C10orf90: variants seen among roughly 807,000 people sequenced by gnomAD.
The protein encoded by C10orf90 is chromosome 10 open reading frame 90.
Under a neutral mutation model 62.5 loss-of-function variants are expected in C10orf90, and 56 were observed. That is an observed-to-expected ratio of 0.90 (90% CI 0.72 to 1.12). The LOEUF (loss-of-function observed/expected upper bound fraction) is 1.12, where lower values mean the gene tolerates loss of function less well. Among genes scored for constraint, C10orf90 ranks in the 50% most tolerant of loss-of-function variants. C10orf90 has a pLI of 0.00. For synonymous variants in C10orf90, 386 were observed against 340.4 expected, an observed-to-expected ratio of 1.13 and a Z score of -1.47; for missense variants, 970 against 880.4, an observed-to-expected ratio of 1.10 and a Z score of -1.29.
rs565502340 is a variant in C10orf90, at chr10:126,459,164, C to T, written c.2064G>A (p.Leu688=). ...PQFISRSQER[L]KKLEHMVQQR... ...GCTGGACCATGTGTTCAAGCTTCTT[C>T]AGCCGTTCTTGTGAGCGAGAAATGA... is the stretch of plus-strand genomic sequence containing the variant. Residue 688 remains leucine (L), a synonymous_variant, in exon 7 of 10, where the codon CTG becomes CTA. Coordinates refer to ENST00000488181, the MANE Select transcript of C10orf90 (RefSeq NM_001350921.2). 5 of 1,614,198 alleles carry T rather than the reference C, an allele frequency of 3.1e-6. No homozygotes were observed. The African/African-American group carries it at 4.0e-5, about 13-fold the overall frequency.
chr10:126,450,365 C>T (rs938596229), intron 7 of C10orf90, among the ~76,000 whole-genome samples: 5 of 152,176 alleles, frequency 3.3e-5, no homozygotes, highest in African/African-American at 1.2e-4. Context: ...TCATATGAAT[C>T]TGCAGACGAC....
In C10orf90 at chr10:126,547,350, C is replaced by T. The variant is rs533587561; in HGVS notation, c.314-33411G>A. ...AGGAGAATGGTGTGAACCCGGGAGG[C>T]GGAGCTTGCAGTGAGCCAAGATCGT... On this transcript the variant is annotated intron_variant, in intron 2 of 9. Transcript: ENST00000488181. Among the ~76,000 whole-genome samples the T allele has an allele frequency of 3.3e-3, 481 of 145,734 alleles. 5 individuals carry two copies. The highest frequency in any genetic ancestry group is 0.031 in the Middle Eastern group (8 of 254).
intron 2 of C10orf90, among the ~76,000 whole-genome samples, chr10:126,594,060 T>C (rs1238039923): frequency 6.6e-6 from 1 of 150,526 alleles, no homozygotes; most frequent in Non-Finnish European, 1.5e-5. Flanking sequence ...AAGGCCCATG[T>C]GTCCCCTGAT....
chr10:126,599,481 A>G (rs2134038775), intron 2 of C10orf90, among the ~76,000 whole-genome samples: 1 of 151,772 alleles, frequency 6.6e-6, no homozygotes, highest in South Asian at 2.1e-4. Context: ...TTCCACTCTT[A>G]AAGACAAGGC....
intron 4 of C10orf90, among the ~76,000 whole-genome samples, chr10:126,490,028 AATATATAAT>A (rs1235037811): frequency 1.9e-5 from 2 of 102,592 alleles, no homozygotes; most frequent in Non-Finnish European, 3.5e-5. Flanking sequence ...TATAATATAT[AATATATAAT>A]ATATATTATA....
intron 7 of C10orf90, among the ~76,000 whole-genome samples, chr10:126,441,085 C>G (rs1032878908): frequency 6.6e-6 from 1 of 152,078 alleles, no homozygotes; most frequent in Non-Finnish European, 1.5e-5. Context: ...TTAAGCTAAT[C>G]AAGGAGGCAC....
At chr10:126,638,271 G>A (rs942377128) in intron 2 of C10orf90, among the ~76,000 whole-genome samples, 1 of 152,060 alleles carries the variant, frequency 6.6e-6, no homozygotes, top group Non-Finnish European at 1.5e-5. Flanking sequence ...GATGGGGCTG[G>A]TCATGAGCCA....
intron 1 of C10orf90, among the ~76,000 whole-genome samples, chr10:126,666,299 A>G (rs1387827849): frequency 6.6e-6 from 1 of 152,178 alleles, no homozygotes. Flanking sequence ...GCCCAAACAA[A>G]TCGAAAAAAT....
At chr10:126,512,290 T>A (rs1378837871) in intron 3 of C10orf90, among the ~76,000 whole-genome samples, 2 of 115,258 alleles carry the variant, frequency 1.7e-5, no homozygotes, top group African/African-American at 2.9e-5. Flanking sequence ...GAGACAGAAG[T>A]GTGTGTGTGT....
chr10:126,526,542 C>T (rs1376982392), intron 2 of C10orf90, among the ~76,000 whole-genome samples: 1 of 152,156 alleles, frequency 6.6e-6, no homozygotes, highest in Non-Finnish European at 1.5e-5. Context: ...CCGCACCTGG[C>T]CAACTAATTT....
intron 2 of C10orf90, among the ~76,000 whole-genome samples, chr10:126,549,731 T>C (rs2133975921): frequency 7.2e-6 from 1 of 139,050 alleles, no homozygotes; most frequent in South Asian, 2.3e-4. Context: ...TATAACATCT[T>C]TATTCATAAT....
chr10:126,568,796 T>A (rs1213965849), intron 2 of C10orf90, among the ~76,000 whole-genome samples: 3 of 152,010 alleles, frequency 2.0e-5, no homozygotes, highest in Non-Finnish European at 4.4e-5. Flanking sequence ...CATTTCCCAG[T>A]GTAACTGGAG....
chr10:126,658,125 C>A (rs530128641), intron 1 of C10orf90, among the ~76,000 whole-genome samples: 1 of 152,294 alleles, frequency 6.6e-6, no homozygotes, highest in African/African-American at 2.4e-5. Context: ...TGTCCCAGAA[C>A]AAGGACGTTG....
rs145135386 is a variant in C10orf90, at chr10:126,567,268, C to T, written c.314-53329G>A. On this transcript the variant is annotated intron_variant, in intron 2 of 9. Transcript: ENST00000488181. ...GGAAACTTTCCTTCATAGTGAAAGG[C>T]GAAGGGCAAGCAGGCATGTCTTCAC... Among the ~76,000 whole-genome samples the T allele has an allele frequency of 9.2e-5, 14 of 152,108 alleles. No homozygotes were observed. In the East Asian group the frequency reaches 1.2e-3, roughly 13 times the overall value.
intron 2 of C10orf90, among the ~76,000 whole-genome samples, chr10:126,644,973 A>G (rs1846137550): frequency 6.6e-6 from 1 of 152,206 alleles, no homozygotes; most frequent in Non-Finnish European, 1.5e-5. Context: ...TTCAAACTAA[A>G]TATCTGTCAC....
chr10:126,669,785 A>G (rs1487783715), intron 1 of C10orf90, among the ~76,000 whole-genome samples: 3 of 151,940 alleles, frequency 2.0e-5, no homozygotes, highest in African/African-American at 7.3e-5. Context: ...TTACTGGCCT[A>G]ACTTGAATCA....
chr10:126,430,201 C>T (rs1430012355), intron 7 of C10orf90, among the ~76,000 whole-genome samples: 2 of 152,184 alleles, frequency 1.3e-5, no homozygotes, highest in Non-Finnish European at 2.9e-5. Context: ...AATCCCTACA[C>T]TAGGTCTGTG....
Position 126,433,054 on chromosome 10 carries a change from T to C in C10orf90, c.2189-3204A>G, listed in dbSNP as rs564498472. Among the ~76,000 whole-genome samples the C allele has an allele frequency of 2.6e-5, 4 of 152,036 alleles. No individual in the cohort carries two copies. The South Asian group carries it at 6.2e-4, about 24-fold the overall frequency. ...GGCAGCAGTGAGATAGGTCAGGCAA[T>C]TGCAGCCAGGTGGGGAAAGATGGCA... On this transcript the variant is annotated intron_variant, in intron 7 of 9. Transcript: ENST00000488181.
intron 2 of C10orf90, among the ~76,000 whole-genome samples, chr10:126,612,654 C>G (rs1296112246): frequency 6.6e-6 from 1 of 152,176 alleles, no homozygotes; most frequent in African/African-American, 2.4e-5. Flanking sequence ...CTCAGGTGGA[C>G]TATCGTGTTT....
Sources: gnomAD v4.1 joint callset for allele counts (sites outside exome capture counted in the v4.1 genomes callset) on GRCh38, gnomAD v4.1.1 for gene constraint, MANE v1.5 for transcripts, NCBI Gene and HGNC (gene_info 2026-07-23, HGNC 2026-07-21) for gene names.